GAS2: variants seen among roughly 807,000 people sequenced by gnomAD.
The protein encoded by GAS2 is growth arrest specific 2.
In GAS2, 20 loss-of-function variants were observed where a neutral mutation model predicts 37.5. The ratio of observed to expected loss-of-function variants is 0.53; its 90% CI spans 0.37 to 0.77. The LOEUF is 0.77. Ranked by LOEUF, GAS2 falls within the 30% of genes least tolerant of loss-of-function variation. The pLI is 0.00. For synonymous variants in GAS2, 144 were observed against 132.2 expected (o/e 1.09, Z -0.61); for missense variants, 336 against 373.4 (o/e 0.90, Z 0.82).
chr11:22,781,935 G>A (rs564673387), intron 7 of GAS2, among the ~76,000 whole-genome samples: 16 of 152,090 alleles, frequency 1.1e-4, no homozygotes, highest in Non-Finnish European at 1.6e-4. Context: ...CAGATACCAT[G>A]CTTTCGGCCA....
At chr11:22,792,394 T>A (rs1388704439) in intron 7 of GAS2, among the ~76,000 whole-genome samples, 1 of 152,128 alleles carries the variant, frequency 6.6e-6, no homozygotes, top group African/African-American at 2.4e-5. Flanking sequence ...TGAAAGACTT[T>A]AGGAAATCAT....
intron 2 of GAS2, 42 bp from the exon 3 acceptor site, chr11:22,685,626 C>T: frequency 6.3e-7 from 1 of 1,592,362 alleles, no homozygotes; most frequent in Non-Finnish European, 8.6e-7. Context: ...GTGAATCTGA[C>T]ATTTGATTTT....
At position 22,653,861 on chromosome 11, in the gene GAS2, C is replaced by G. The variant is rs1358976669; in HGVS notation, c.-20-20989C>G. ...GTTGTGGCTTCTGAGGCAAAAATCCCAAAAGGCCATGAAGCTTCCACCCTA... is the reference window on the plus strand; with the variant it reads ...GTTGTGGCTTCTGAGGCAAAAATCCGAAAAGGCCATGAAGCTTCCACCCTA... On this transcript the variant is annotated intron_variant, in intron 1 of 5. Coordinates refer to the GAS2 transcript ENST00000528582. 4.6e-5 allele frequency among the ~76,000 whole-genome samples: 7 copies of G among 152,258 alleles called. 1 individual carries two copies. The highest frequency in any genetic ancestry group is 3.9e-4 in the Admixed American group (6 of 15,282).
chr11:22,788,949 A>G (rs973842092), intron 7 of GAS2, among the ~76,000 whole-genome samples: 1 of 152,126 alleles, frequency 6.6e-6, no homozygotes, highest in Non-Finnish European at 1.5e-5. Flanking sequence ...CCAATTAGGT[A>G]ATTACTCAGT....
At chr11:22,690,324 A>G (rs937351788) in intron 3 of GAS2, among the ~76,000 whole-genome samples, 2 of 152,208 alleles carry the variant, frequency 1.3e-5, no homozygotes, top group Admixed American at 1.3e-4. Flanking sequence ...TTGGTTTGAT[A>G]AAATACTCTG....
rs182425944 is a variant in GAS2, at chr11:22,645,411, G to T, written c.-21+19598G>T. Reference sequence around the variant, plus strand: ...TAGCCCAGCTACTCAGGAGGCTGAGGCACTAGAATCGCTTGAACCCGGGAG... The same window carrying T: ...TAGCCCAGCTACTCAGGAGGCTGAGTCACTAGAATCGCTTGAACCCGGGAG... On this transcript the variant is annotated intron_variant, in intron 1 of 5. Transcript: ENST00000528582. Among the ~76,000 whole-genome samples the T allele has an allele frequency of 1.8e-3, 278 of 152,134 alleles. 1 individual carries two copies. The highest frequency in any genetic ancestry group is 6.2e-3 in the African/African-American group (258 of 41,484).
chr11:22,723,741 CATT>C (rs1294819697), intron 3 of GAS2, among the ~76,000 whole-genome samples: 3 of 151,798 alleles, frequency 2.0e-5, no homozygotes, highest in African/African-American at 7.3e-5. Context: ...TAAAGTGGCT[CATT>C]GTTTGGATTT....
intron 3 of GAS2, among the ~76,000 whole-genome samples, chr11:22,706,856 A>G (rs368693025): frequency 7.9e-5 from 12 of 152,064 alleles, no homozygotes; most frequent in Non-Finnish European, 1.3e-4. Flanking sequence ...ACCCAGTAAT[A>G]GGATGGCTGG....
intron 3 of GAS2, among the ~76,000 whole-genome samples, chr11:22,690,941 CGT>C (rs1039709230): frequency 6.6e-6 from 1 of 152,112 alleles, no homozygotes; most frequent in Admixed American, 6.6e-5. Context: ...GGGGCATCAG[CGT>C]GGGGCAAGAC....
intron 1 of GAS2, among the ~76,000 whole-genome samples, chr11:22,657,783 T>C (rs1028609351): frequency 6.6e-5 from 10 of 152,228 alleles, no homozygotes; most frequent in Non-Finnish European, 1.0e-4. Flanking sequence ...AGCTCACTTA[T>C]GTGAGCATCA....
intron 3 of GAS2, chr11:22,688,258 ATC>A (rs1206422730): frequency 6.6e-6 from 1 of 152,134 alleles, no homozygotes; most frequent in Non-Finnish European, 1.5e-5. Flanking sequence ...TCTTGATAAA[ATC>A]TCTTTTTGAT....
Position 22,648,699 on chromosome 11 carries a change from T to G in GAS2, c.-21+22886T>G, listed in dbSNP as rs370540819. ...CTCTTTGAAGCAATTGTGAATGGGA[T>G]TTCACTCATGATTTGGCTCTCTGTT... On this transcript the variant is annotated intron_variant, in intron 1 of 5. Coordinates refer to the GAS2 transcript ENST00000528582. 6.6e-5 allele frequency among the ~76,000 whole-genome samples: 10 copies of G among 152,302 alleles called. No homozygotes were observed. In the East Asian group the frequency reaches 1.5e-3, roughly 23 times the overall value.
intron 3 of GAS2, among the ~76,000 whole-genome samples, chr11:22,717,219 G>A (rs1198041611): frequency 6.6e-6 from 1 of 152,028 alleles, no homozygotes; most frequent in Non-Finnish European, 1.5e-5. Flanking sequence ...GAACAAATCC[G>A]ATGGCATCAC....
intron 1 of GAS2, chr11:22,626,251 C>G: frequency 4.5e-6 from 1 of 222,264 alleles, no homozygotes; most frequent in Non-Finnish European, 9.2e-6. Flanking sequence ...ATTTTAAGAT[C>G]TATTTGAGAA....
chr11:22,728,523 A>T (rs191427521), intron 4 of GAS2, among the ~76,000 whole-genome samples: 1 of 151,304 alleles, frequency 6.6e-6, no homozygotes, highest in African/African-American at 2.4e-5. Context: ...TAAAAAGCCC[A>T]TAAGTTATAT....
intron 3 of GAS2, among the ~76,000 whole-genome samples, chr11:22,722,600 AG>A (rs563042215): frequency 1.4e-3 from 218 of 152,020 alleles, no homozygotes; most frequent in African/African-American, 5.0e-3. Context: ...AAAGGTTTGA[AG>A]GTATTAAATT....
chr11:22,733,718 T>C (rs1285099614), intron 4 of GAS2, among the ~76,000 whole-genome samples: 1 of 151,694 alleles, frequency 6.6e-6, no homozygotes, highest in African/African-American at 2.4e-5. Flanking sequence ...CACATATTTT[T>C]GAATGGAAAC....
chr11:22,754,977 G>A (rs539282814), intron 6 of GAS2, among the ~76,000 whole-genome samples: 1 of 152,080 alleles, frequency 6.6e-6, no homozygotes, highest in East Asian at 1.9e-4. Context: ...GGAGATTATT[G>A]TTTTGGGTTG....
At chr11:22,632,308 A>G (rs1327696611) in intron 1 of GAS2, among the ~76,000 whole-genome samples, 1 of 152,144 alleles carries the variant, frequency 6.6e-6, no homozygotes, top group Non-Finnish European at 1.5e-5. Flanking sequence ...TCATTTATGA[A>G]ACTTAGCTTT....
Sources: gnomAD v4.1 joint callset for allele counts (sites outside exome capture counted in the v4.1 genomes callset) on GRCh38, gnomAD v4.1.1 for gene constraint, MANE v1.5 for transcripts, NCBI Gene and HGNC (gene_info 2026-07-23, HGNC 2026-07-21) for gene names.